The following ADCY8 variants were observed in gnomAD, a reference collection of about 807,000 sequenced individuals.
ADCY8 encodes adenylate cyclase 8.
A neutral mutation model predicts 119.7 loss-of-function variants in ADCY8; 51 were observed. The observed-to-expected ratio is 0.43, with a 90% CI of 0.34 to 0.54. ADCY8 has a LOEUF of 0.54. ADCY8 is among the 20% of genes least tolerant of loss of function. The probability of loss-of-function intolerance (pLI) is 0.03; values close to 1 mark genes in which losing one functional copy is unlikely to be tolerated. For synonymous variants in ADCY8, 665 were observed against 651.0 expected (o/e 1.02, Z -0.33); for missense variants, 1,383 against 1,598.8 (o/e 0.87, Z 2.30).
intron 2 of ADCY8, among the ~76,000 whole-genome samples, chr8:130,969,382 C>T (rs1251088202): frequency 6.6e-6 from 1 of 152,152 alleles, no homozygotes; most frequent in African/African-American, 2.4e-5. Flanking sequence ...TAACTGAATG[C>T]ACCAATTCCT....
intron 14 of ADCY8, among the ~76,000 whole-genome samples, chr8:130,811,612 C>T (rs1269554030): frequency 6.6e-6 from 1 of 152,188 alleles, no homozygotes; most frequent in Non-Finnish European, 1.5e-5. Flanking sequence ...TTGTAGCATC[C>T]TCAGCAAGGG....
At chr8:130,934,208 A>G (rs1440426302) in intron 5 of ADCY8, among the ~76,000 whole-genome samples, 1 of 152,230 alleles carries the variant, frequency 6.6e-6, no homozygotes, top group Non-Finnish European at 1.5e-5. Context: ...GCATTGCTAT[A>G]AAGAACTACC....
chr8:130,928,078 G>A (rs527776862), intron 5 of ADCY8, among the ~76,000 whole-genome samples: 16 of 152,144 alleles, frequency 1.1e-4, no homozygotes, highest in Non-Finnish European at 1.9e-4. Context: ...TGTCCAGCTT[G>A]GGGGAGGTCA....
intron 8 of ADCY8, among the ~76,000 whole-genome samples, chr8:130,877,196 G>A (rs1818598563): frequency 6.6e-6 from 1 of 152,170 alleles, no homozygotes; most frequent in Admixed American, 6.5e-5. Context: ...CAGCCTCCAA[G>A]GCACTTAAGT....
intron 9 of ADCY8, among the ~76,000 whole-genome samples, chr8:130,865,459 A>G (rs1439936554): frequency 3.3e-5 from 5 of 152,090 alleles, no homozygotes; most frequent in Non-Finnish European, 7.4e-5. Context: ...TTCTTTTAAA[A>G]GAATAGGTTA....
At chr8:130,808,442 C>T (rs1458147230) in intron 14 of ADCY8, among the ~76,000 whole-genome samples, 1 of 152,158 alleles carries the variant, frequency 6.6e-6, no homozygotes, top group African/African-American at 2.4e-5. Context: ...CATGTAAGTG[C>T]TTTAGGCTTG....
At chr8:130,897,966 C>T (rs1373808309) in intron 7 of ADCY8, among the ~76,000 whole-genome samples, 1 of 151,686 alleles carries the variant, frequency 6.6e-6, no homozygotes, top group African/African-American at 2.4e-5. Context: ...CACCACACCA[C>T]ACACATATTC....
At position 130,918,890 on chromosome 8, in the gene ADCY8, A is replaced by G. The variant is rs555140440; in HGVS notation, c.1482-9024T>C. Among the ~76,000 whole-genome samples the G allele has an allele frequency of 3.3e-3, 509 of 152,262 alleles. 3 individuals are homozygous for G. The highest frequency in any genetic ancestry group is 0.012 in the African/African-American group (492 of 41,548). On this transcript the variant is annotated intron_variant, in intron 5 of 17. Transcript: ENST00000286355. ...AGCCTGGCTAACATGATGAAACCCC[A>G]TCTCTACTAAAAATACAAAAATTAG...
chr8:131,007,982 TAGTC>T lies in ADCY8; in HGVS notation c.961-17444_961-17441del, dbSNP rs778370349. ...GGCATTGCTACCCATTAAATTCACA[TAGTC>T]AGCCAATGAGGTAGGTGCTACTATT... On this transcript the variant is annotated intron_variant, in intron 1 of 17. Transcript: ENST00000286355. Among the ~76,000 whole-genome samples the T allele has an allele frequency of 5.9e-5, 9 of 152,332 alleles. No individual in the cohort carries two copies. In the East Asian group the frequency reaches 1.2e-3, roughly 20 times the overall value.
At chr8:130,917,444 T>G (rs973372436) in intron 5 of ADCY8, among the ~76,000 whole-genome samples, 13 of 152,206 alleles carry the variant, frequency 8.5e-5, no homozygotes, top group Non-Finnish European at 1.6e-4. Context: ...ACTTTGCTGC[T>G]GCTTGCACTC....
chr8:130,864,752 C>T (rs1287459853), intron 9 of ADCY8, among the ~76,000 whole-genome samples: 1 of 151,962 alleles, frequency 6.6e-6, no homozygotes, highest in Non-Finnish European at 1.5e-5. Context: ...GTTTATATTG[C>T]CCATTTTTTC....
chr8:130,839,439 G>C (rs1817076758), intron 11 of ADCY8, among the ~76,000 whole-genome samples: 1 of 139,558 alleles, frequency 7.2e-6, no homozygotes, highest in African/African-American at 2.4e-5. Flanking sequence ...ACAGAATGAG[G>C]CCCCTGGACA....
At chr8:130,783,563 C>T (rs902821256) in intron 17 of ADCY8, 128 bp downstream of exon 17, 23 of 611,556 alleles carry the variant, frequency 3.8e-5, no homozygotes, top group South Asian at 6.2e-5. Flanking sequence ...CTATCCTTGG[C>T]AGGGTCATGC....
chr8:131,033,862 A>G (rs1586672654), intron 1 of ADCY8, among the ~76,000 whole-genome samples: 1 of 152,110 alleles, frequency 6.6e-6, no homozygotes, highest in Non-Finnish European at 1.5e-5. Flanking sequence ...TTTACAAGTA[A>G]GAGAGAATAA....
chr8:131,038,246 A>G (rs1219129183), intron 1 of ADCY8, among the ~76,000 whole-genome samples: 1 of 152,156 alleles, frequency 6.6e-6, no homozygotes, highest in African/African-American at 2.4e-5. Flanking sequence ...TTCAAATTCG[A>G]CCATAAGGAA....
At chr8:130,826,808 A>G (rs1816681428) in intron 12 of ADCY8, among the ~76,000 whole-genome samples, 1 of 152,024 alleles carries the variant, frequency 6.6e-6, no homozygotes, top group African/African-American at 2.4e-5. Flanking sequence ...TACCAAAACA[A>G]AAGGCAGAGG....
At chr8:130,817,783 T>C (rs1289762213) in intron 13 of ADCY8, among the ~76,000 whole-genome samples, 1 of 152,204 alleles carries the variant, frequency 6.6e-6, no homozygotes, top group Non-Finnish European at 1.5e-5. Context: ...AAATTCAGCA[T>C]TTATCTTTGC....
At chr8:130,860,518 T>G (rs954920853) in intron 9 of ADCY8, among the ~76,000 whole-genome samples, 4 of 152,176 alleles carry the variant, frequency 2.6e-5, no homozygotes, top group Non-Finnish European at 5.9e-5. Context: ...TTCCAGAAAT[T>G]TTATAGTTTT....
At chr8:130,793,924 T>A (rs1442625165) in intron 15 of ADCY8, among the ~76,000 whole-genome samples, 5 of 152,186 alleles carry the variant, frequency 3.3e-5, no homozygotes, top group Non-Finnish European at 7.3e-5. Context: ...TGATCTTCTT[T>A]GGAAATAAGT....
Sources: gnomAD v4.1 joint callset for allele counts (sites outside exome capture counted in the v4.1 genomes callset) on GRCh38, gnomAD v4.1.1 for gene constraint, MANE v1.5 for transcripts, NCBI Gene and HGNC (gene_info 2026-07-23, HGNC 2026-07-21) for gene names.